AKR1C3: variants seen among roughly 807,000 people sequenced by gnomAD.
The protein encoded by AKR1C3 is aldo-keto reductase family 1 member C3.
AKR1C3 carries 48 observed loss-of-function variants against 43.6 expected under a neutral mutation model. The ratio of observed to expected loss-of-function variants is 1.10; its 90% CI spans 0.87 to 1.40. The LOEUF (loss-of-function observed/expected upper bound fraction) is 1.40, where lower values mean the gene tolerates loss of function less well. AKR1C3 is among the 40% of genes most tolerant of loss of function. AKR1C3 has a pLI of 0.00. For missense variants in AKR1C3, 482 were observed against 391.2 expected (o/e 1.23, Z -1.96); for synonymous variants, 162 against 139.6 (o/e 1.16, Z -1.13).
At chr10:5,060,180 A>G (rs1554780070) in intron 1 of AKR1C3, among the ~76,000 whole-genome samples, 2 of 152,174 alleles carry the variant, frequency 1.3e-5, no homozygotes, top group East Asian at 3.9e-4. Context: ...CCAAAGAGTG[A>G]GCAGTAGCAA....
At chr10:5,080,259 G>GAA in intron 1 of AKR1C3, among the ~76,000 whole-genome samples, 1 of 152,176 alleles carries the variant, frequency 6.6e-6, no homozygotes, top group East Asian at 1.9e-4. Flanking sequence ...ATCGTGTTGA[G>GAA]AAAAAAATCT....
At chr10:5,099,551 A>G in intron 5 of AKR1C3, 102 bp downstream of exon 5, 1 of 1,567,506 alleles carries the variant, frequency 6.4e-7, no homozygotes, top group South Asian at 1.2e-5. Flanking sequence ...TTTGTGAAGT[A>G]GAAGATTATC....
intron 1 of AKR1C3, among the ~76,000 whole-genome samples, chr10:5,080,137 C>T (rs1029598300): frequency 1.3e-5 from 2 of 151,256 alleles, no homozygotes; most frequent in Admixed American, 6.6e-5. Flanking sequence ...TGCCCATGTC[C>T]GGACATAGGC....
At chr10:5,063,884 G>A (rs3957462) in intron 1 of AKR1C3, among the ~76,000 whole-genome samples, 1 of 151,482 alleles carries the variant, frequency 6.6e-6, no homozygotes, top group African/African-American at 2.4e-5. Flanking sequence ...CTGTGAGGCA[G>A]CTCCATCACT....
chr10:5,089,020 C>T lies in AKR1C3; in HGVS notation c.85-7390C>T, dbSNP rs144066484. Among the ~76,000 whole-genome samples the T allele has an allele frequency of 1.6e-3, 240 of 152,160 alleles. 2 individuals carry two copies. Among genetic ancestry groups the T allele is most frequent in the African/African-American group, 5.6e-3 (231 of 41,544 alleles). ...ACAAATTCCCTTAAAATTTGCTTGT[C>T]TGTGAAAGATGATTTCTCCATTTTT... On this transcript the variant is annotated intron_variant, in intron 1 of 8. Transcript: ENST00000439082.
At chr10:5,099,651 T>A in intron 5 of AKR1C3, 1 of 888,728 alleles carries the variant, frequency 1.1e-6, no homozygotes, top group Non-Finnish European at 1.7e-6. Context: ...GGAATGAGTT[T>A]AATGCTGAAT....
chr10:5,106,793 G>C (rs1386354844), intron 8 of AKR1C3, among the ~76,000 whole-genome samples: 1 of 151,850 alleles, frequency 6.6e-6, no homozygotes, highest in Non-Finnish European at 1.5e-5. Context: ...GCTGGCAGTG[G>C]AAATTTTAAC....
intron 1 of AKR1C3, among the ~76,000 whole-genome samples, chr10:5,078,975 A>T (rs1838774885): frequency 6.6e-6 from 1 of 152,068 alleles, no homozygotes; most frequent in Non-Finnish European, 1.5e-5. Flanking sequence ...AGGTGTCTCG[A>T]TAGTGTTAAC....
intron 1 of AKR1C3, among the ~76,000 whole-genome samples, chr10:5,068,773 G>A (rs2211627): frequency 0.2 from 30,772 of 152,148 alleles, 3,212 homozygotes; most frequent in East Asian, 0.4. Flanking sequence ...GGGAATGCTG[G>A]GAGCCTCCCA....
intron 7 of AKR1C3, among the ~76,000 whole-genome samples, chr10:5,104,311 G>A (rs1312621125): frequency 3.3e-5 from 5 of 152,036 alleles, no homozygotes; most frequent in African/African-American, 1.2e-4. Flanking sequence ...ATATGCACAT[G>A]GAATTTCTAA....
At chr10:5,096,812 G>A (rs557623359) in intron 2 of AKR1C3, among the ~76,000 whole-genome samples, 46 of 152,208 alleles carry the variant, frequency 3.0e-4, no homozygotes, top group Non-Finnish European at 6.3e-4. Flanking sequence ...AGCTTCAGCT[G>A]AGATCAGTGT....
In AKR1C3 at chr10:5,085,472, G is replaced by C. The variant is rs1397325953; in HGVS notation, c.85-10938G>C. 3.3e-5 allele frequency among the ~76,000 whole-genome samples: 5 copies of C among 151,958 alleles called. No homozygotes were observed. The South Asian group carries it at 1.0e-3, about 32-fold the overall frequency. On this transcript the variant is annotated intron_variant, in intron 1 of 8. Coordinates refer to the AKR1C3 transcript ENST00000439082. The stretch of plus-strand genomic sequence containing the variant: ...GCTTTTTGATGTGCTGCTGGATTCG[G>C]TTTGCCAGTATTTTATTGAGGATTT...
At chr10:5,071,972 T>C (rs1564359179) in intron 1 of AKR1C3, among the ~76,000 whole-genome samples, 3 of 152,264 alleles carry the variant, frequency 2.0e-5, no homozygotes, top group Non-Finnish European at 4.4e-5. Flanking sequence ...TCTACTGCGA[T>C]GTTATGTTAC....
At chr10:5,067,648 C>T (rs1838536546) in intron 1 of AKR1C3, among the ~76,000 whole-genome samples, 1 of 152,176 alleles carries the variant, frequency 6.6e-6, no homozygotes, top group Non-Finnish European at 1.5e-5. Context: ...AATTGAATGA[C>T]ATCCTTTCAT....
intron 1 of AKR1C3, among the ~76,000 whole-genome samples, chr10:5,082,447 T>C (rs1838857774): frequency 6.6e-6 from 1 of 152,172 alleles, no homozygotes; most frequent in African/African-American, 2.4e-5. Flanking sequence ...CTTATTATTT[T>C]GAGTCATGTT....
chr10:5,082,880 T>C (rs138611899), intron 1 of AKR1C3, among the ~76,000 whole-genome samples: 14 of 152,300 alleles, frequency 9.2e-5, no homozygotes, highest in Non-Finnish European at 1.6e-4. Context: ...CAGCTCTTCT[T>C]TCCATGTGTG....
chr10:5,078,443 C>G (rs1199201602), intron 1 of AKR1C3, among the ~76,000 whole-genome samples: 1 of 152,096 alleles, frequency 6.6e-6, no homozygotes, highest in Non-Finnish European at 1.5e-5. Context: ...GAATCTGTCT[C>G]AAATAATAAT....
At chr10:5,080,610 G>T (rs61506866) in intron 1 of AKR1C3, 39,079 of 152,420 alleles carry the variant, frequency 0.26, 5,631 homozygotes, top group East Asian at 0.55. Context: ...CTGGGTGACA[G>T]ACTGAGACTC....
intron 1 of AKR1C3, among the ~76,000 whole-genome samples, chr10:5,088,503 C>T (rs1839020533): frequency 6.6e-6 from 1 of 151,890 alleles, no homozygotes; most frequent in Admixed American, 6.6e-5. Context: ...AATCTGGGTG[C>T]TCCAATATTG....
Sources: allele counts gnomAD v4.1 joint callset (sites outside exome capture counted in the v4.1 genomes callset), GRCh38; gene constraint gnomAD v4.1.1; transcripts MANE v1.5; gene names NCBI Gene and HGNC (gene_info 2026-07-23, HGNC 2026-07-21).